Variants in DLG2 observed in about 807,000 individuals in gnomAD.
The protein encoded by DLG2 is disks large homolog 2.
A neutral mutation model predicts 132.5 loss-of-function variants in DLG2; 45 were observed. The ratio of observed to expected loss-of-function variants is 0.34; its 90% CI spans 0.27 to 0.44. The LOEUF is 0.44. Ranked by LOEUF, DLG2 falls within the 20% of genes least tolerant of loss-of-function variation. The pLI, the probability that DLG2 is intolerant of heterozygous loss-of-function variation, is 1.00. For missense variants in DLG2, 1,045 were observed against 1,196.9 expected (o/e 0.87, Z 1.87); for synonymous variants, 424 against 419.6 (o/e 1.01, Z -0.13).
At chr11:84,221,329 T>C (rs1437200649) in intron 8 of DLG2, among the ~76,000 whole-genome samples, 1 of 151,914 alleles carries the variant, frequency 6.6e-6, no homozygotes, top group African/African-American at 2.4e-5. Flanking sequence ...CCAGGCATGG[T>C]GGCACGCGCC....
At chr11:85,438,106 G>A (rs1247757792) in intron 3 of DLG2, among the ~76,000 whole-genome samples, 2 of 152,134 alleles carry the variant, frequency 1.3e-5, no homozygotes, top group African/African-American at 4.8e-5. Context: ...TACATACTGA[G>A]AGAAGAAAGA....
chr11:83,648,841 A>G (rs2069101035), intron 18 of DLG2, among the ~76,000 whole-genome samples: 1 of 152,112 alleles, frequency 6.6e-6, no homozygotes, highest in African/African-American at 2.4e-5. Context: ...GGCAGGGTGG[A>G]AGGTGCACAG....
chr11:84,189,016 C>T (rs1389333938), intron 8 of DLG2, among the ~76,000 whole-genome samples: 1 of 152,122 alleles, frequency 6.6e-6, no homozygotes, highest in Non-Finnish European at 1.5e-5. Flanking sequence ...TTTATTTATT[C>T]ATCTATTCAA....
intron 8 of DLG2, among the ~76,000 whole-genome samples, chr11:84,182,037 C>T (rs1417461006): frequency 6.6e-6 from 1 of 152,154 alleles, no homozygotes; most frequent in Non-Finnish European, 1.5e-5. Context: ...ATATCAAGCA[C>T]ATCCATAGAC....
Position 83,480,306 on chromosome 11 carries a change from A to G in DLG2, c.2293+3823T>C. On this transcript the variant is annotated intron_variant, in intron 22 of 27. Transcript: ENST00000376104. Reference sequence around the variant, plus strand: ...ATTGAAAAACAACAACAGAAATCTGAAATGACCACCACAGGCAATGGGGCA... The same window carrying G: ...ATTGAAAAACAACAACAGAAATCTGGAATGACCACCACAGGCAATGGGGCA... 3 of 1,268,776 alleles carry G rather than the reference A, an allele frequency of 2.4e-6. No homozygotes were observed. The Admixed American group carries it at 6.1e-5, about 26-fold the overall frequency. The allele number at this position is 1,268,776 out of a possible 1,614,324, so 78.6% of individuals were successfully genotyped here.
At chr11:85,300,242 A>G (rs2152790406) in intron 3 of DLG2, among the ~76,000 whole-genome samples, 1 of 152,320 alleles carries the variant, frequency 6.6e-6, no homozygotes, top group South Asian at 2.1e-4. Context: ...GGGAGCAACA[A>G]AACAAAATGT....
chr11:85,441,753 C>T (rs1444692431), intron 3 of DLG2, among the ~76,000 whole-genome samples: 1 of 152,104 alleles, frequency 6.6e-6, no homozygotes, highest in Non-Finnish European at 1.5e-5. Flanking sequence ...TGTATAAAGG[C>T]ACTGTTCTAG....
chr11:84,313,582 A>AAAGG lies in DLG2; in HGVS notation c.520-62295_520-62292dup, dbSNP rs201234445. ...GGAGGGAGGAGAGAGAGAGAGAGAG[A>AAAGG]AAGGAAGGAAGGAAGGAGGGAAGGA... is the stretch of plus-strand genomic sequence containing the variant. On this transcript the variant is annotated intron_variant, in intron 7 of 27. Coordinates refer to ENST00000376104, the MANE Select transcript of DLG2 (RefSeq NM_001142699.3). Among the ~76,000 whole-genome samples the AAAGG allele has an allele frequency of 9.1e-4, 128 of 140,288 alleles. 1 individual carries two copies. The highest frequency in any genetic ancestry group is 8.4e-3 in the South Asian group (36 of 4,282). The allele number at this position is 140,288 out of a possible 152,430, so 92.0% of individuals were successfully genotyped here.
chr11:83,573,673 A>G (rs1462534275), intron 19 of DLG2, among the ~76,000 whole-genome samples: 1 of 152,146 alleles, frequency 6.6e-6, no homozygotes. Context: ...TGGGCATTTT[A>G]TTATTTATTT....
At chr11:85,271,834 C>T (rs1483987616) in intron 4 of DLG2, among the ~76,000 whole-genome samples, 4 of 152,206 alleles carry the variant, frequency 2.6e-5, no homozygotes, top group African/African-American at 9.7e-5. Context: ...AACTCACTTG[C>T]TTTTTATTTT....
At chr11:84,641,974 T>C (rs1485194950) in intron 6 of DLG2, among the ~76,000 whole-genome samples, 10 of 149,828 alleles carry the variant, frequency 6.7e-5, no homozygotes, top group African/African-American at 1.5e-4. Flanking sequence ...TATATATATG[T>C]ATGCATGTGT....
intron 3 of DLG2, among the ~76,000 whole-genome samples, chr11:85,472,534 G>A (rs546928620): frequency 1.6e-4 from 24 of 152,154 alleles, no homozygotes; most frequent in African/African-American, 3.9e-4. Context: ...TCTTGACCTC[G>A]TGATCCACCC....
intron 4 of DLG2, among the ~76,000 whole-genome samples, chr11:85,232,077 T>C (rs989024754): frequency 3.3e-5 from 5 of 151,962 alleles, no homozygotes; most frequent in African/African-American, 1.2e-4. Context: ...TAAGAGCCAA[T>C]ATTTCTTTCC....
chr11:85,414,853 CCTCTTT>C (rs1407182996), intron 3 of DLG2, among the ~76,000 whole-genome samples: 1 of 151,242 alleles, frequency 6.6e-6, no homozygotes, highest in African/African-American at 2.4e-5. Flanking sequence ...ATATAATGTC[CCTCTTT>C]CTCTTTCTTT....
chr11:85,155,142 T>A (rs2077506751), intron 4 of DLG2, among the ~76,000 whole-genome samples: 1 of 152,222 alleles, frequency 6.6e-6, no homozygotes, highest in South Asian at 2.1e-4. Context: ...AAGGGTAGGT[T>A]TGCTTACTGA....
chr11:84,209,457 A>C (rs2096721617), intron 8 of DLG2, among the ~76,000 whole-genome samples: 1 of 152,200 alleles, frequency 6.6e-6, no homozygotes, highest in Non-Finnish European at 1.5e-5. Flanking sequence ...TAAAGTTTGG[A>C]GTTTAGTTAA....
chr11:84,310,431 A>ATGGT (rs2098274733), intron 7 of DLG2, among the ~76,000 whole-genome samples: 1 of 152,236 alleles, frequency 6.6e-6, no homozygotes, highest in Admixed American at 6.5e-5. Context: ...AGTGTCTCAC[A>ATGGT]CATTGTGAAC....
At chr11:84,133,972 T>C (rs975610513) in intron 9 of DLG2, among the ~76,000 whole-genome samples, 1 of 152,092 alleles carries the variant, frequency 6.6e-6, no homozygotes, top group African/African-American at 2.4e-5. Context: ...CTGTCAACCT[T>C]ATCTAGCTCT....
intron 6 of DLG2, among the ~76,000 whole-genome samples, chr11:84,879,161 C>A (rs762221538): frequency 6.6e-6 from 1 of 152,060 alleles, no homozygotes. Flanking sequence ...AGGAGCTTCT[C>A]GGAGTCTCTG....
Sources: allele counts gnomAD v4.1 joint callset (sites outside exome capture counted in the v4.1 genomes callset), GRCh38; gene constraint gnomAD v4.1.1; transcripts MANE v1.5; gene names NCBI Gene and HGNC (gene_info 2026-07-23, HGNC 2026-07-21).